Variants in SPMIP7 observed in about 807,000 individuals in gnomAD.
The protein encoded by SPMIP7 is protein SPMIP7.
At chr7:50,096,653 A>G in the SPMIP7 span, 3 of 1,496,246 alleles carry the variant, frequency 2.0e-6, no homozygotes, top group Admixed American at 2.3e-5. Flanking sequence ...ATGAAGTGAC[A>G]TGAACTTTCT....
At chr7:50,110,758 T>G in the SPMIP7 span, among the ~76,000 whole-genome samples, 1 of 124,528 alleles carries the variant, frequency 8.0e-6, no homozygotes, top group Admixed American at 8.4e-5. Context: ...TGTTATGTTA[T>G]ATGATATAGA....
the SPMIP7 span, chr7:50,129,781 C>T: frequency 1.9e-6 from 3 of 1,546,836 alleles, no homozygotes; most frequent in Non-Finnish European, 2.6e-6. Context: ...TTTTACAAGT[C>T]CTCTACACAA....
the SPMIP7 span, among the ~76,000 whole-genome samples, chr7:50,110,837 T>C: frequency 1.5e-5 from 2 of 132,478 alleles, no homozygotes; most frequent in Non-Finnish European, 3.1e-5. Flanking sequence ...ATATTATATA[T>C]TATATATTAT....
the SPMIP7 span, among the ~76,000 whole-genome samples, chr7:50,153,761 G>A: frequency 6.6e-6 from 1 of 152,172 alleles, no homozygotes; most frequent in Non-Finnish European, 1.5e-5. Flanking sequence ...AAGGAGTGGG[G>A]CTTGGTCCCA....
the SPMIP7 span, among the ~76,000 whole-genome samples, chr7:50,144,410 T>C: frequency 6.6e-6 from 1 of 152,240 alleles, no homozygotes. Flanking sequence ...TATGTGTGTA[T>C]GTAAGATTGA....
At chr7:50,119,921 A>G in the SPMIP7 span, among the ~76,000 whole-genome samples, 2 of 152,168 alleles carry the variant, frequency 1.3e-5, no homozygotes. Context: ...ACACACAGAA[A>G]ATAAATTACT....
chr7:50,125,219 CATATATACACAT>C, the SPMIP7 span, among the ~76,000 whole-genome samples: 3 of 72,288 alleles, frequency 4.2e-5, no homozygotes, highest in Admixed American at 1.6e-4. Flanking sequence ...TATATATACA[CATATATACACAT>C]ATATATACAC....
At chr7:50,104,115 C>T in the SPMIP7 span, among the ~76,000 whole-genome samples, 2 of 152,144 alleles carry the variant, frequency 1.3e-5, no homozygotes, top group African/African-American at 4.8e-5. Context: ...TGATTCTGCA[C>T]TATTGTAATT....
At chr7:50,145,679 G>A in the SPMIP7 span, among the ~76,000 whole-genome samples, 1 of 123,060 alleles carries the variant, frequency 8.1e-6, no homozygotes, top group Non-Finnish European at 1.7e-5. Flanking sequence ...ATATATGGGA[G>A]AGAGCCCTGA....
At chr7:50,117,172 A>G in the SPMIP7 span, 1 of 443,098 alleles carries the variant, frequency 2.3e-6, no homozygotes, top group Non-Finnish European at 4.5e-6. Context: ...AACAGCCTTC[A>G]GTTTTATGAC....
At chr7:50,096,178 C>T in the SPMIP7 span, 4 of 1,551,510 alleles carry the variant, frequency 2.6e-6, no homozygotes, top group Non-Finnish European at 3.5e-6. Flanking sequence ...ATTACCCACA[C>T]TATTGTGATC....
chr7:50,135,036 TTCTC>T, the SPMIP7 span, among the ~76,000 whole-genome samples: 1 of 152,180 alleles, frequency 6.6e-6, no homozygotes, highest in East Asian at 1.9e-4. Context: ...ACTCTGTCCT[TTCTC>T]TGCTGAGCTT....
chr7:50,107,579 A>G, the SPMIP7 span, among the ~76,000 whole-genome samples: 1 of 152,122 alleles, frequency 6.6e-6, no homozygotes, highest in African/African-American at 2.4e-5. Flanking sequence ...ATATACAAAA[A>G]TATGAAAAAT....
chr7:50,129,857 C>A, the SPMIP7 span: 1 of 989,684 alleles, frequency 1.0e-6, no homozygotes, highest in Non-Finnish European at 1.6e-6. Context: ...TATGACACAT[C>A]CTCTTTATGT....
the SPMIP7 span, among the ~76,000 whole-genome samples, chr7:50,116,400 A>T: frequency 6.6e-6 from 1 of 152,244 alleles, no homozygotes; most frequent in East Asian, 1.9e-4. Flanking sequence ...TATGATAAAA[A>T]GAAACTGAAT....
the SPMIP7 span, among the ~76,000 whole-genome samples, chr7:50,134,855 TC>T: frequency 6.6e-6 from 1 of 152,238 alleles, no homozygotes; most frequent in Non-Finnish European, 1.5e-5. Flanking sequence ...TTTGTATTAC[TC>T]CACTGATTAA....
the SPMIP7 span, among the ~76,000 whole-genome samples, chr7:50,118,956 A>G: frequency 6.6e-6 from 1 of 152,102 alleles, no homozygotes; most frequent in Non-Finnish European, 1.5e-5. Flanking sequence ...CATTATCCTA[A>G]ACTCTGATAT....
At chr7:50,112,390 A>G in the SPMIP7 span, among the ~76,000 whole-genome samples, 2 of 152,108 alleles carry the variant, frequency 1.3e-5, no homozygotes, top group Non-Finnish European at 2.9e-5. Context: ...GCTGAAGGAG[A>G]CTATCCTGTG....
chr7:50,096,676 C>T, the SPMIP7 span: 2 of 1,444,382 alleles, frequency 1.4e-6, no homozygotes, highest in East Asian at 2.5e-5. Flanking sequence ...TTTTTAAATG[C>T]TCAAGGGAAG....
Sources: allele counts gnomAD v4.1 joint callset (sites outside exome capture counted in the v4.1 genomes callset), GRCh38; gene constraint gnomAD v4.1.1; transcripts MANE v1.5; gene names NCBI Gene and HGNC (gene_info 2026-07-23, HGNC 2026-07-21).